Variants in KIF21B observed in about 807,000 individuals in gnomAD.
The protein encoded by KIF21B is kinesin-like protein KIF21B.
A neutral mutation model predicts 192.9 loss-of-function variants in KIF21B; 85 were observed. The ratio of observed to expected loss-of-function variants is 0.44; its 90% CI spans 0.37 to 0.53. The LOEUF (loss-of-function observed/expected upper bound fraction) is 0.53, where lower values mean the gene tolerates loss of function less well. Ranked by LOEUF, KIF21B falls within the 20% of genes least tolerant of loss-of-function variation. The pLI is 0.00. For synonymous variants in KIF21B, 832 were observed against 884.6 expected (o/e 0.94, Z 1.05); for missense variants, 1,716 against 2,194.8 (o/e 0.78, Z 4.36).
Position 200,992,309 on chromosome 1 carries a change from C to T in KIF21B, c.2358G>A (p.Gln786=). The T allele has an allele frequency of 1.2e-6, 2 of 1,612,754 alleles. No homozygotes were observed. The highest frequency in any genetic ancestry group is 1.7e-6 in the Non-Finnish European group (2 of 1,180,030). Residue 786 remains glutamine, a synonymous_variant, in exon 16 of 35, where the codon CAG becomes CAA. Transcript: ENST00000461742. The part of the protein sequence containing the change: ...VETKRNREIA[Q]LKKEQRRQEF... The stretch of plus-strand genomic sequence containing the variant: ...CCTGTCGCCGCTGCTCCTTCTTGAG[C>T]TGTGCGATCTCCCGGTTCCTCTTGG...
At chr1:200,992,578 G>A (rs1241826413) in intron 15 of KIF21B, among the ~76,000 whole-genome samples, 189 bp from the exon 16 acceptor site, 1 of 152,238 alleles carries the variant, frequency 6.6e-6, no homozygotes, top group Admixed American at 6.5e-5. Context: ...TAAGCCGCCT[G>A]GGCAAGCTGC....
Position 200,972,751 on chromosome 1 carries a change from C to T in KIF21B, c.*770G>A, listed in dbSNP as rs1655287226. On this transcript the variant is annotated 3_prime_UTR_variant, in exon 35 of 35. Transcript: ENST00000461742. ...AAACAGAGGAGGCGGCCCTGGAGGG[C>T]CGGGGCAGCGGACTCCCTTTGGGAT... The T allele has an allele frequency of 6.6e-6, 1 of 152,598 alleles. No individual in the cohort carries two copies. Among genetic ancestry groups the T allele is most frequent in the South Asian group, 2.1e-4 (1 of 4,828 alleles). 9.5% of individuals were successfully genotyped at this position (152,598 alleles called of 1,614,324 possible).
intron 6 of KIF21B, 107 bp downstream of exon 6, chr1:201,004,659 G>T: frequency 7.1e-7 from 1 of 1,406,244 alleles, no homozygotes; most frequent in African/African-American, 1.4e-5. Context: ...AGGGCTAATT[G>T]GCAAGATGTC....
intron 1 of KIF21B, among the ~76,000 whole-genome samples, chr1:201,016,073 ATATGTGCCCCATGTTAC>A (rs2102477756): frequency 6.6e-6 from 1 of 152,308 alleles, no homozygotes; most frequent in East Asian, 1.9e-4. Flanking sequence ...GAAGCTGGGG[ATATGTGCCCCATGTTAC>A]TAAGGCTCAG....
At position 201,000,809 on chromosome 1, in the gene KIF21B, C is replaced by A. The variant is rs369505900; in HGVS notation, c.1403-29G>T. The A allele has an allele frequency of 6.9e-5, 111 of 1,612,828 alleles. 1 individual carries two copies. The highest frequency in any genetic ancestry group is 8.7e-5 in the Non-Finnish European group (103 of 1,179,030). The stretch of plus-strand genomic sequence containing the variant: ...GAGTGGGACGGCGGGAAGAAGGGTG[C>A]GATAAAGAAGATAAATAGGCCAGCG... On this transcript the variant is annotated intron_variant, in intron 9 of 34. Transcript: ENST00000461742. This position sits in a 1 kb window ranked among gnomAD's most constrained non-coding sequence, Gnocchi z 6.0.
chr1:200,991,381 TCTGCCCTGCAGC>T (rs1390157092), intron 17 of KIF21B, among the ~76,000 whole-genome samples: 1 of 152,224 alleles, frequency 6.6e-6, no homozygotes, highest in African/African-American at 2.4e-5. Flanking sequence ...TGGCCTGCAG[TCTGCCCTGCAGC>T]CTGAGCTCTT....
intron 15 of KIF21B, among the ~76,000 whole-genome samples, chr1:200,995,528 C>A (rs1312586237): frequency 6.6e-6 from 1 of 152,212 alleles, no homozygotes; most frequent in African/African-American, 2.4e-5. Flanking sequence ...AGGCCCCAGG[C>A]CCCAGAGACT....
rs1658583858 is a variant in KIF21B, at chr1:201,017,662, C to A, written c.41+5681G>T. ...GCAACAGAAGGCTGGCTGTGGAGGG[C>A]AGCAAGCCTCTCCCCACCACACCGG... On this transcript the variant is annotated intron_variant, in intron 1 of 34. Transcript: ENST00000461742. This position sits in a 1 kb window ranked among gnomAD's most constrained non-coding sequence, Gnocchi z 4.1. Among the ~76,000 whole-genome samples the A allele has an allele frequency of 6.6e-6, 1 of 152,200 alleles. No individual in the cohort carries two copies. Among genetic ancestry groups the A allele is most frequent in the African/African-American group, 2.4e-5 (1 of 41,450 alleles).
chr1:200,990,090 C>T lies in KIF21B; in HGVS notation c.3031-47G>A. The T allele has an allele frequency of 2.5e-6, 4 of 1,610,626 alleles. No homozygotes were observed. The highest frequency in any genetic ancestry group is 2.2e-5 in the East Asian group (1 of 44,824). ...CCCCGTCACCTGGGGCTACCCCTGC[C>T]ACCCATCTCTCCCGCCTCCGCCCCA... On this transcript the variant is annotated intron_variant, in intron 20 of 34. Coordinates refer to ENST00000461742, the MANE Select transcript of KIF21B (RefSeq NM_001252102.2). This position sits in a 1 kb window ranked among gnomAD's most constrained non-coding sequence, Gnocchi z 5.4.
rs1655181267 is a variant in KIF21B at position 200,970,983 on chromosome 1, C to T, written c.*2538G>A. The T allele has an allele frequency of 6.5e-6, 1 of 152,790 alleles. No individual in the cohort carries two copies. The highest frequency in any genetic ancestry group is 1.5e-5 in the Non-Finnish European group (1 of 68,084). 9.5% of individuals were successfully genotyped at this position (152,790 alleles called of 1,614,324 possible). A position where few individuals can be genotyped will look rare whatever the true frequency, so the allele number is the denominator to read the frequency against. ...CCCCCTGTCCCAGACACAGGCACCC[C>T]CAATCTCACTTTGGACAGAGCCAAC... is the stretch of plus-strand genomic sequence containing the variant. On this transcript the variant is annotated 3_prime_UTR_variant, in exon 35 of 35. Transcript: ENST00000461742.
At position 201,023,312 on chromosome 1, in the gene KIF21B, G is replaced by T; in HGVS notation, c.41+31C>A. On this transcript the variant is annotated intron_variant, in intron 1 of 34. Coordinates refer to ENST00000461742, the MANE Select transcript of KIF21B (RefSeq NM_001252102.2). The surrounding 1 kb of genome is among the most constrained non-coding windows in gnomAD (Gnocchi z 5.9). ...GCGAGACAAAGCCCGAGGCTTCTCC[G>T]CGCGCCCCCTTCCCCGCCCCGGGTC... is the stretch of plus-strand genomic sequence containing the variant. The T allele has an allele frequency of 6.6e-7, 1 of 1,515,624 alleles. No homozygotes were observed. Among genetic ancestry groups the T allele is most frequent in the Non-Finnish European group, 8.8e-7 (1 of 1,131,674 alleles). 93.9% of individuals were successfully genotyped at this position (1,515,624 alleles called of 1,614,324 possible).
chr1:200,988,262 C>T (rs1304129988), intron 24 of KIF21B, 34 bp downstream of exon 24: 1 of 1,600,788 alleles, frequency 6.2e-7, no homozygotes, highest in South Asian at 1.1e-5. Context: ...GCTGGCCCTG[C>T]TGCACCCACT....
chr1:200,992,501 G>T, intron 15 of KIF21B, 112 bp from the exon 16 acceptor site: 1 of 1,073,704 alleles, frequency 9.3e-7, no homozygotes, highest in Non-Finnish European at 1.4e-6. Context: ...GGCTAGCCAG[G>T]CAACACTGGC....
At position 200,990,650 on chromosome 1, in the gene KIF21B, G is replaced by A. The variant is rs768350530; in HGVS notation, c.2761C>T (p.Arg921Ter). 3.1e-6 allele frequency: 5 copies of A among 1,614,112 alleles called. No individual in the cohort carries two copies. The highest frequency in any genetic ancestry group is 1.7e-5 in the Admixed American group (1 of 60,012). Reference sequence around the variant, plus strand: ...TGCATGACGATGTCAATGATCCGTCGCTCCAGGGACTGCCACTTGAGCCTT... The same window carrying A: ...TGCATGACGATGTCAATGATCCGTCACTCCAGGGACTGCCACTTGAGCCTT... Reference protein sequence around the residue: ...AARLKWQSLERRIIDIVMQRM... With the variant: ...AARLKWQSLE The change falls in exon 19 of 35, where the codon CGA becomes TGA. Residue 921 changes from arginine (R) to a stop codon, truncating the protein, a stop_gained. Transcript: ENST00000461742. LOFTEE classifies it high-confidence loss of function. This position sits in a 1 kb window ranked among gnomAD's most constrained non-coding sequence, Gnocchi z 5.4.
intron 16 of KIF21B, among the ~76,000 whole-genome samples, chr1:200,991,957 G>A (rs1475979819): frequency 6.6e-6 from 1 of 152,268 alleles, no homozygotes; most frequent in African/African-American, 2.4e-5. Flanking sequence ...CTCCAGTGAG[G>A]AGGAATCCTG....
rs752067257 is a variant in KIF21B, at chr1:201,009,302, G to A, written c.228C>T (p.Phe76=). The A allele has an allele frequency of 1.9e-6, 3 of 1,614,260 alleles. No individual in the cohort carries two copies. The highest frequency in any genetic ancestry group is 2.5e-6 in the Non-Finnish European group (3 of 1,180,046). The stretch of plus-strand genomic sequence containing the variant: ...CCAGCACCGTGGCATTATAGCCCTC[G>A]AAGCAGCCCTCGATGAGCTTGCTCA... ...TCVSKLIEGC[F]EGYNATVLAY... is the part of the protein sequence containing the mutation. The change falls in exon 2 of 35, where the codon TTC becomes TTT. Residue 76 remains phenylalanine, a synonymous_variant. Transcript: ENST00000461742.
intron 34 of KIF21B, chr1:200,973,820 G>T: frequency 1.4e-6 from 2 of 1,430,540 alleles, no homozygotes; most frequent in Non-Finnish European, 1.8e-6. Flanking sequence ...TTTTGGGGGG[G>T]TGTTTCGTTT....
chr1:200,997,395 C>T (rs1251113809), intron 14 of KIF21B, among the ~76,000 whole-genome samples: 3 of 152,216 alleles, frequency 2.0e-5, no homozygotes, highest in Non-Finnish European at 2.9e-5. Flanking sequence ...GCTGCTCTAG[C>T]ACTATCAACT....
chr1:200,977,827 C>A (rs571767956), intron 30 of KIF21B, among the ~76,000 whole-genome samples: 1 of 151,460 alleles, frequency 6.6e-6, no homozygotes, highest in African/African-American at 2.4e-5. Context: ...CTCTGCCTCC[C>A]GGGTTCAAGC....
Sources: allele counts gnomAD v4.1 joint callset (sites outside exome capture counted in the v4.1 genomes callset), GRCh38; gene constraint gnomAD v4.1.1; non-coding constraint Gnocchi (gnomAD v3.1); transcripts MANE v1.5; gene names NCBI Gene and HGNC (gene_info 2026-07-23, HGNC 2026-07-21).